The following HIVEP1 variants were observed in gnomAD, a reference collection of about 807,000 sequenced individuals.
HIVEP1 encodes the protein HIVEP zinc finger 1.
In HIVEP1, 36 loss-of-function variants were observed where a neutral mutation model predicts 180.0. That is an observed-to-expected ratio of 0.20 (90% confidence interval 0.15 to 0.26). The LOEUF is 0.26. Ranked by LOEUF, HIVEP1 falls within the 10% of genes least tolerant of loss-of-function variation. The probability of loss-of-function intolerance (pLI) is 1.00; values close to 1 mark genes in which losing one functional copy is unlikely to be tolerated. For synonymous variants in HIVEP1, 1,239 were observed against 1,239.0 expected (o/e 1.00, Z 0.00); for missense variants, 3,143 against 3,268.7 (o/e 0.96, Z 0.94).
At chr6:12,011,867 C>T, upstream of HIVEP1, 1 of 141,896 alleles carries the variant, frequency 7.0e-6, no homozygotes, top group Non-Finnish European at 1.6e-5. Flanking sequence ...CGCGGGGACG[C>T]CCCCTCCCCC....
In HIVEP1 at chr6:12,051,001, C is replaced by CATATATATATATATATAT. The variant is rs1161977899; in HGVS notation, c.40+35346_40+35363dup. On this transcript the variant is annotated intron_variant, in intron 2 of 8. Transcript: ENST00000379388. ...CATGTGTGTAGCAGATACACAAGTG[C>CATATATATATATATATAT]ATATATATATATATATATATATATA... is the stretch of plus-strand genomic sequence containing the variant. Among the ~76,000 whole-genome samples, 337 of 77,562 alleles carry CATATATATATATATATAT rather than the reference C, an allele frequency of 4.3e-3. 12 individuals carry two copies. Among genetic ancestry groups the CATATATATATATATATAT allele is most frequent in the Middle Eastern group, 0.012 (1 of 82 alleles). The allele number at this position is 77,562 out of a possible 152,430, so 50.9% of individuals were successfully genotyped here.
rs1446407682 is a variant in HIVEP1, at chr6:12,125,459, T to C, written c.5664T>C (p.Cys1888=). Residue 1888 remains cysteine (C), a synonymous_variant, in exon 4 of 9, where the codon TGT becomes TGC. Coordinates refer to ENST00000379388, the MANE Select transcript of HIVEP1 (RefSeq NM_002114.4). ...SENTHISPLK[C]TDNNQERKSP... ...ATACTCATATTTCTCCTTTGAAATG[T>C]ACAGACAATAACCAAGAAAGGAAGT... The C allele has an allele frequency of 6.2e-7, 1 of 1,614,154 alleles. No individual in the cohort carries two copies.
intron 3 of HIVEP1, among the ~76,000 whole-genome samples, chr6:12,111,043 A>AAC (rs992178002): frequency 6.6e-6 from 1 of 152,228 alleles, no homozygotes; most frequent in South Asian, 2.1e-4. Context: ...GAGCAGTGAG[A>AAC]ACACACACAC....
intron 2 of HIVEP1, among the ~76,000 whole-genome samples, chr6:12,051,735 A>G (rs991692974): frequency 1.3e-5 from 2 of 152,098 alleles, no homozygotes; most frequent in Non-Finnish European, 1.5e-5. Context: ...TTACTTTATT[A>G]GGTGGGCTGA....
chr6:12,095,051 A>G (rs1415485981), intron 3 of HIVEP1, among the ~76,000 whole-genome samples: 1 of 152,016 alleles, frequency 6.6e-6, no homozygotes, highest in Non-Finnish European at 1.5e-5. Flanking sequence ...TTGGCAAAAA[A>G]TCAGTCGTAG....
chr6:12,051,963 A>G (rs531154169), intron 2 of HIVEP1, among the ~76,000 whole-genome samples: 2 of 152,232 alleles, frequency 1.3e-5, no homozygotes, highest in Non-Finnish European at 2.9e-5. Context: ...TCCAGTTTCA[A>G]AATGAGTTTA....
At chr6:12,181,351 C>G in the HIVEP1 span, among the ~76,000 whole-genome samples, 1 of 151,770 alleles carries the variant, frequency 6.6e-6, no homozygotes, top group African/African-American at 2.4e-5. Flanking sequence ...CAGAGTGAGA[C>G]TCCGTCTCAA....
intron 2 of HIVEP1, among the ~76,000 whole-genome samples, chr6:12,085,727 A>AG (rs1773076540): frequency 6.6e-6 from 1 of 152,120 alleles, no homozygotes; most frequent in Non-Finnish European, 1.5e-5. Flanking sequence ...TGAGATGGTG[A>AG]GGGAGACCCT....
At chr6:12,159,065 G>T (rs1760236624) in intron 7 of HIVEP1, among the ~76,000 whole-genome samples, 1 of 152,120 alleles carries the variant, frequency 6.6e-6, no homozygotes, top group Non-Finnish European at 1.5e-5. Flanking sequence ...CCCTGACTGG[G>T]GTTCTGTTGT....
intron 2 of HIVEP1, among the ~76,000 whole-genome samples, chr6:12,022,847 G>C (rs1352646823): frequency 2.0e-5 from 3 of 152,206 alleles, no homozygotes; most frequent in Admixed American, 2.0e-4. Flanking sequence ...CAAAGGTTGG[G>C]ATCTGGGGGA....
intron 2 of HIVEP1, among the ~76,000 whole-genome samples, chr6:12,082,752 G>T (rs946152365): frequency 1.3e-5 from 2 of 152,220 alleles, no homozygotes; most frequent in South Asian, 4.1e-4. Context: ...GCATGCCTAG[G>T]AATTGCTTAT....
At chr6:12,053,598 G>A (rs1770671157) in intron 2 of HIVEP1, among the ~76,000 whole-genome samples, 1 of 152,108 alleles carries the variant, frequency 6.6e-6, no homozygotes, top group South Asian at 2.1e-4. Context: ...TGAGTCCATA[G>A]CCCTAGGTAA....
chr6:12,022,092 G>A (rs207466713), intron 2 of HIVEP1, among the ~76,000 whole-genome samples: 1 of 152,154 alleles, frequency 6.6e-6, no homozygotes, highest in Non-Finnish European at 1.5e-5. Context: ...TTAAAAACTT[G>A]TGATAATTTT....
chr6:12,114,406 A>C (rs1775094630), intron 3 of HIVEP1, among the ~76,000 whole-genome samples: 1 of 152,100 alleles, frequency 6.6e-6, no homozygotes, highest in Admixed American at 6.5e-5. Context: ...CCACTATCAC[A>C]TGTTTTGTCT....
chr6:12,126,519 CATT>C (rs1448528891), intron 4 of HIVEP1, among the ~76,000 whole-genome samples: 5 of 152,176 alleles, frequency 3.3e-5, no homozygotes, highest in Non-Finnish European at 7.3e-5. Context: ...GAATCAGTCT[CATT>C]AGAATTATCA....
At chr6:12,189,966 T>TTGTTG in the HIVEP1 span, among the ~76,000 whole-genome samples, 10 of 152,330 alleles carry the variant, frequency 6.6e-5, no homozygotes, top group East Asian at 7.7e-4. Flanking sequence ...TTACATTGTA[T>TTGTTG]TGTTGTGTTG....
upstream of HIVEP1, among the ~76,000 whole-genome samples, chr6:12,011,270 T>TGCC (rs1767268015): frequency 9.8e-5 from 7 of 71,624 alleles, no homozygotes; most frequent in East Asian, 7.6e-4. Context: ...CCCCTTGGGG[T>TGCC]CCCCCCCCCC....
intron 3 of HIVEP1, among the ~76,000 whole-genome samples, chr6:12,110,469 C>T (rs1774816522): frequency 6.6e-6 from 1 of 152,252 alleles, no homozygotes; most frequent in South Asian, 2.1e-4. Flanking sequence ...TCTACATTAA[C>T]ACCTGCTGCT....
chr6:12,127,525 A>T (rs989955761), intron 4 of HIVEP1, among the ~76,000 whole-genome samples: 2 of 152,244 alleles, frequency 1.3e-5, no homozygotes, highest in African/African-American at 4.8e-5. Flanking sequence ...CTGGAAATGC[A>T]TATCTAGATT....
Sources: allele counts gnomAD v4.1 joint callset (sites outside exome capture counted in the v4.1 genomes callset), GRCh38; gene constraint gnomAD v4.1.1; transcripts MANE v1.5; gene names NCBI Gene and HGNC (gene_info 2026-07-23, HGNC 2026-07-21).